FGF12: variants seen among roughly 807,000 people sequenced by gnomAD.
FGF12 encodes fibroblast growth factor 12.
In FGF12, 14 loss-of-function variants were observed where a neutral mutation model predicts 23.6. That is an observed-to-expected ratio of 0.59 (90% CI 0.39 to 0.93). The LOEUF (loss-of-function observed/expected upper bound fraction) is 0.93. FGF12 is among the 40% of genes least tolerant of loss of function. FGF12 has a pLI of 0.00. For missense variants in FGF12, 175 were observed against 217.8 expected (o/e 0.80, Z 1.24); for synonymous variants, 62 against 77.3 (o/e 0.80, Z 1.04).
intron 2 of FGF12, among the ~76,000 whole-genome samples, chr3:192,673,750 T>C (rs2108697962): frequency 6.6e-6 from 1 of 151,396 alleles, no homozygotes; most frequent in South Asian, 2.1e-4. Context: ...TAGTATTCCA[T>C]GGTGTATATG....
At chr3:192,532,964 T>C (rs1026248516) in intron 2 of FGF12, among the ~76,000 whole-genome samples, 5 of 152,178 alleles carry the variant, frequency 3.3e-5, no homozygotes, top group African/African-American at 1.2e-4. Flanking sequence ...TTATTTCTCC[T>C]ACACACCATC....
intron 2 of FGF12, among the ~76,000 whole-genome samples, chr3:192,455,666 T>C (rs1479594450): frequency 6.6e-6 from 1 of 152,220 alleles, no homozygotes; most frequent in African/African-American, 2.4e-5. Flanking sequence ...ACATTATCAA[T>C]AACTGAATAA....
chr3:192,577,906 T>C (rs941214617), intron 2 of FGF12, among the ~76,000 whole-genome samples: 2 of 152,170 alleles, frequency 1.3e-5, no homozygotes. Context: ...GATGCTTCAA[T>C]TCAAACAAAA....
intron 4 of FGF12, among the ~76,000 whole-genome samples, chr3:192,276,232 G>C (rs1398511109): frequency 6.6e-6 from 1 of 152,114 alleles, no homozygotes; most frequent in African/African-American, 2.4e-5. Flanking sequence ...AAGCACTAAA[G>C]TTTCTTTTCC....
chr3:192,342,063 T>C (rs1717718919), intron 3 of FGF12, among the ~76,000 whole-genome samples: 1 of 152,184 alleles, frequency 6.6e-6, no homozygotes, highest in Non-Finnish European at 1.5e-5. Context: ...AAGACTTTTA[T>C]CTGTGAATCT....
intron 2 of FGF12, among the ~76,000 whole-genome samples, chr3:192,496,411 A>G (rs1723958796): frequency 6.6e-6 from 1 of 152,174 alleles, no homozygotes; most frequent in Admixed American, 6.5e-5. Context: ...GACATTTGCC[A>G]GCCATAGGAA....
intron 4 of FGF12, among the ~76,000 whole-genome samples, chr3:192,275,492 A>G (rs931905171): frequency 2.0e-5 from 3 of 152,186 alleles, no homozygotes; most frequent in African/African-American, 7.2e-5. Flanking sequence ...TAGAATGGTA[A>G]ATAAAAAACA....
intron 2 of FGF12, among the ~76,000 whole-genome samples, chr3:192,628,553 C>A (rs1715267267): frequency 6.8e-6 from 1 of 147,196 alleles, no homozygotes; most frequent in Non-Finnish European, 1.5e-5. Flanking sequence ...TCATTCCAAC[C>A]AAAGTTTCAT....
At chr3:192,158,332 C>CTCTTTCTTTCTTTCTTTCTTTCTT (rs375016082) in intron 5 of FGF12, among the ~76,000 whole-genome samples, 37 of 112,438 alleles carry the variant, frequency 3.3e-4, no homozygotes, top group African/African-American at 5.0e-4. Flanking sequence ...TTCTTTCTTT[C>CTCTTTCTTTCTTTCTTTCTTTCTT]TCTTTCTTTC....
chr3:192,261,498 G>C lies in FGF12; in HGVS notation c.228+73863C>G, dbSNP rs114923588. Among the ~76,000 whole-genome samples the C allele has an allele frequency of 1.3e-3, 198 of 152,246 alleles. 1 individual carries two copies. Among genetic ancestry groups the C allele is most frequent in the African/African-American group, 4.7e-3 (194 of 41,546 alleles). On this transcript the variant is annotated intron_variant, in intron 4 of 5. Transcript: ENST00000445105. The stretch of plus-strand genomic sequence containing the variant: ...TTGATTACACAAGCTTTTAAGTTTG[G>C]ATTAACACCTTGGACTCCATTCTAA...
Position 192,568,278 on chromosome 3 carries a change from G to A in FGF12, c.13+158903C>T, listed in dbSNP as rs192122728. 7.2e-5 allele frequency among the ~76,000 whole-genome samples: 11 copies of A among 152,258 alleles called. No individual in the cohort carries two copies. The East Asian group carries it at 1.4e-3, about 19-fold the overall frequency. ...ATACAGTTACCAGGGTTTAAGACAC[G>A]GGGAAATCTTTTAAGGCCACCATTC... On this transcript the variant is annotated intron_variant, in intron 2 of 5. Transcript: ENST00000445105.
At chr3:192,183,189 A>ATT (rs36009792) in intron 4 of FGF12, among the ~76,000 whole-genome samples, 12 of 147,828 alleles carry the variant, frequency 8.1e-5, no homozygotes, top group South Asian at 2.1e-4. Context: ...AGCATGTAAG[A>ATT]TTTTTTTTTT....
Position 192,360,342 on chromosome 3 carries a change from G to A in FGF12, c.124+86C>T, listed in dbSNP as rs573237204. On this transcript the variant is annotated intron_variant, in intron 3 of 5. Coordinates refer to ENST00000445105, the MANE Select transcript of FGF12 (RefSeq NM_004113.6). This position sits in a 1 kb window ranked among gnomAD's most constrained non-coding sequence, Gnocchi z 4.3. ...TAGTTTGAAAGGCATAGTTTGGTAA[G>A]GCAGCTTAGCAATGCTTTAAGTATA... is the stretch of plus-strand genomic sequence containing the variant. 161 of 900,650 alleles carry A rather than the reference G, an allele frequency of 1.8e-4. No homozygotes were observed. In the African/African-American group the frequency reaches 2.2e-3, roughly 12 times the overall value. The allele number at this position is 900,650 out of a possible 1,614,324, so 55.8% of individuals were successfully genotyped here.
intron 2 of FGF12, among the ~76,000 whole-genome samples, chr3:192,643,780 T>C (rs1255006039): frequency 6.6e-6 from 1 of 152,208 alleles, no homozygotes; most frequent in South Asian, 2.1e-4. Flanking sequence ...GAAAAGACTA[T>C]CAAATAAGGG....
In FGF12 at chr3:192,140,961, T is replaced by C. The variant is rs565658011; in HGVS notation, c.*3048A>G. 7.2e-5 allele frequency: 11 copies of C among 151,880 alleles called. No individual in the cohort carries two copies. Among genetic ancestry groups the C allele is most frequent in the African/African-American group, 2.7e-4 (11 of 41,500 alleles). 9.4% of individuals were successfully genotyped at this position (151,880 alleles called of 1,614,324 possible). ...GTAAGGTGTATTGACCAGAAAGCTA[T>C]TTTGTGAGACTCTCAAAAGTTTTGT... On this transcript the variant is annotated 3_prime_UTR_variant, in exon 6 of 6. Transcript: ENST00000445105.
chr3:192,342,610 A>G (rs1717746085), intron 3 of FGF12, among the ~76,000 whole-genome samples: 3 of 151,974 alleles, frequency 2.0e-5, no homozygotes, highest in South Asian at 4.2e-4. Flanking sequence ...ATCTCTGTAA[A>G]AATAAAAACA....
At chr3:192,395,597 T>C (rs867334490) in intron 2 of FGF12, among the ~76,000 whole-genome samples, 9 of 152,216 alleles carry the variant, frequency 5.9e-5, no homozygotes, top group Admixed American at 2.0e-4. Flanking sequence ...GTAGAAAGCA[T>C]TGAAATGACA....
chr3:192,304,802 C>T (rs1435887635), intron 4 of FGF12, among the ~76,000 whole-genome samples: 1 of 152,180 alleles, frequency 6.6e-6, no homozygotes. Context: ...ATTCCATACT[C>T]AGAACTTTAG....
chr3:192,172,350 C>T (rs1243413640), intron 4 of FGF12, among the ~76,000 whole-genome samples: 1 of 150,318 alleles, frequency 6.7e-6, no homozygotes, highest in African/African-American at 2.4e-5. Context: ...GATTACACCC[C>T]ACACTCCAGC....
Sources: allele counts gnomAD v4.1 joint callset (sites outside exome capture counted in the v4.1 genomes callset), GRCh38; gene constraint gnomAD v4.1.1; non-coding constraint Gnocchi (gnomAD v3.1); transcripts MANE v1.5; gene names NCBI Gene and HGNC (gene_info 2026-07-23, HGNC 2026-07-21).